The following DPYD variants were observed in gnomAD, a reference collection of about 807,000 sequenced individuals.
DPYD encodes dihydropyrimidine dehydrogenase, also known as dihydropyrimidine dehydrogenase [NADP(+)].
A neutral mutation model predicts 116.2 loss-of-function variants in DPYD; 109 were observed. The observed-to-expected ratio is 0.94, with a 90% confidence interval of 0.80 to 1.10. DPYD has a LOEUF of 1.10. DPYD is among the 50% of genes least tolerant of loss of function. DPYD has a pLI of 0.00. For synonymous variants in DPYD, 440 were observed against 432.0 expected, an observed-to-expected ratio of 1.02 and a Z score of -0.23; for missense variants, 1,302 against 1,254.5, an observed-to-expected ratio of 1.04 and a Z score of -0.57.
chr1:97,195,525 AG>A (rs1658697576), intron 19 of DPYD, among the ~76,000 whole-genome samples: 1 of 15,810 alleles, frequency 6.3e-5, no homozygotes, highest in African/African-American at 4.2e-4. Context: ...ATAAGGAGAG[AG>A]AGAGAGAGAG....
intron 18 of DPYD, chr1:97,295,669 A>C: frequency 1.5e-6 from 1 of 676,444 alleles, no homozygotes. Context: ...GGGCTCAAGC[A>C]ATCTGCCCGC....
intron 8 of DPYD, among the ~76,000 whole-genome samples, chr1:97,678,891 G>A (rs937791209): frequency 2.0e-5 from 3 of 152,028 alleles, no homozygotes; most frequent in South Asian, 2.1e-4. Flanking sequence ...ACATCTTGCC[G>A]AAATCTCTCC....
chr1:97,734,670 T>G (rs1391808884), intron 4 of DPYD, among the ~76,000 whole-genome samples: 2 of 152,190 alleles, frequency 1.3e-5, no homozygotes, highest in African/African-American at 4.8e-5. Context: ...GGAAAATAGC[T>G]TTTAAGTCAT....
rs182532694 is a variant in DPYD at position 97,404,386 on chromosome 1, T to C, written c.1906-21925A>G. ...TCTGTCCATTTCTGACAGAGAAGTG[T>C]TGTAGTCTCCAACTATGCTAATAGA... is the stretch of plus-strand genomic sequence containing the variant. On this transcript the variant is annotated intron_variant, in intron 14 of 22. Transcript: ENST00000370192. 1.7e-3 allele frequency among the ~76,000 whole-genome samples: 262 copies of C among 152,234 alleles called. 3 individuals are homozygous for C. The highest frequency in any genetic ancestry group is 0.015 in the Admixed American group (229 of 15,258).
chr1:97,604,173 G>A (rs574956377), intron 8 of DPYD, among the ~76,000 whole-genome samples: 1 of 152,230 alleles, frequency 6.6e-6, no homozygotes, highest in South Asian at 2.1e-4. Flanking sequence ...ATGGAGAGCT[G>A]CTCAGTTCAG....
At position 97,774,929 on chromosome 1, in the gene DPYD, C is replaced by T. The variant is rs567704575; in HGVS notation, c.234-34450G>A. The stretch of plus-strand genomic sequence containing the variant: ...TGTCCAAATCATCATCAATGATTTG[C>T]TAGAAATAGCATCCTCAAAGGTCAC... On this transcript the variant is annotated intron_variant, in intron 3 of 22. Coordinates refer to ENST00000370192, the MANE Select transcript of DPYD (RefSeq NM_000110.4). 377 of 307,440 alleles carry T rather than the reference C, an allele frequency of 1.2e-3. 3 individuals are homozygous for T. The highest frequency in any genetic ancestry group is 7.4e-3 in the South Asian group (222 of 29,954). 19.0% of individuals were successfully genotyped at this position (307,440 alleles called of 1,614,324 possible). A position where few individuals can be genotyped will look rare whatever the true frequency, so the allele number is the denominator to read the frequency against.
chr1:97,107,268 A>T (rs1651236137), intron 20 of DPYD, among the ~76,000 whole-genome samples: 1 of 152,090 alleles, frequency 6.6e-6, no homozygotes, highest in Non-Finnish European at 1.5e-5. Context: ...TTAAAATTAC[A>T]TAGGAACTTT....
intron 10 of DPYD, among the ~76,000 whole-genome samples, chr1:97,592,151 C>A (rs1396206472): frequency 6.6e-6 from 1 of 152,144 alleles, no homozygotes; most frequent in Non-Finnish European, 1.5e-5. Flanking sequence ...CATTCCGAAG[C>A]AAGTCAAGTT....
At chr1:97,525,679 G>T (rs1185315851) in intron 12 of DPYD, among the ~76,000 whole-genome samples, 1 of 151,458 alleles carries the variant, frequency 6.6e-6, no homozygotes, top group African/African-American at 2.4e-5. Context: ...TGGCATTGAA[G>T]CTCTGGAAGA....
At chr1:97,346,024 C>T (rs1382197281) in intron 16 of DPYD, among the ~76,000 whole-genome samples, 3 of 151,716 alleles carry the variant, frequency 2.0e-5, no homozygotes, top group Non-Finnish European at 4.4e-5. Context: ...TTTTATTTCT[C>T]ATTCCTTTGC....
At chr1:97,327,847 G>T (rs1197094470) in intron 16 of DPYD, among the ~76,000 whole-genome samples, 2 of 152,176 alleles carry the variant, frequency 1.3e-5, no homozygotes, top group Admixed American at 1.3e-4. Flanking sequence ...AATAGGTGGT[G>T]CTCATACATT....
At chr1:97,295,759 A>G in intron 18 of DPYD, 4 of 984,248 alleles carry the variant, frequency 4.1e-6, no homozygotes, top group Non-Finnish European at 4.8e-6. Flanking sequence ...TGCCAGTGCT[A>G]CTGTAAGAGA....
intron 18 of DPYD, among the ~76,000 whole-genome samples, chr1:97,254,201 C>T (rs1407887415): frequency 6.6e-6 from 1 of 152,094 alleles, no homozygotes; most frequent in Non-Finnish European, 1.5e-5. Context: ...TTTTCACAAA[C>T]ATTTTGCCTT....
intron 1 of DPYD, among the ~76,000 whole-genome samples, chr1:97,901,479 A>C (rs548035421): frequency 6.6e-6 from 1 of 151,864 alleles, no homozygotes; most frequent in Admixed American, 6.6e-5. Context: ...AAAGAAAGAG[A>C]CAAACCTCAG....
At position 97,376,640 on chromosome 1, in the gene DPYD, C is replaced by A. The variant is rs112505395; in HGVS notation, c.1975-2996G>T. 7.7e-3 allele frequency among the ~76,000 whole-genome samples: 1,168 copies of A among 152,154 alleles called. 16 individuals carry two copies. Among genetic ancestry groups the A allele is most frequent in the African/African-American group, 0.027 (1,111 of 41,514 alleles). On this transcript the variant is annotated intron_variant, in intron 15 of 22. Coordinates refer to ENST00000370192, the MANE Select transcript of DPYD (RefSeq NM_000110.4). Reference sequence around the variant, plus strand: ...CTAACCATTCAAAAAGCCTTAATTGCTGAATTAGCATGAAATGTTAAATTA... The same window carrying A: ...CTAACCATTCAAAAAGCCTTAATTGATGAATTAGCATGAAATGTTAAATTA...
chr1:97,151,471 C>T (rs930407593), intron 20 of DPYD, among the ~76,000 whole-genome samples: 5 of 151,944 alleles, frequency 3.3e-5, no homozygotes, highest in African/African-American at 7.2e-5. Flanking sequence ...GTCAGGAGTT[C>T]GAGACCAACC....
At chr1:97,647,740 T>A (rs992378614) in intron 8 of DPYD, among the ~76,000 whole-genome samples, 1 of 152,054 alleles carries the variant, frequency 6.6e-6, no homozygotes, top group African/African-American at 2.4e-5. Context: ...AAAACAGATA[T>A]ATAAAATTAC....
chr1:97,385,425 A>G (rs1158192796), intron 14 of DPYD, among the ~76,000 whole-genome samples: 1 of 151,580 alleles, frequency 6.6e-6, no homozygotes, highest in Non-Finnish European at 1.5e-5. Context: ...AGATACAGAG[A>G]TACAGACTGA....
intron 19 of DPYD, among the ~76,000 whole-genome samples, chr1:97,218,489 G>C (rs764771782): frequency 6.6e-5 from 10 of 151,410 alleles, no homozygotes; most frequent in Non-Finnish European, 1.3e-4. Flanking sequence ...TTTTGGTCTA[G>C]AGCTGGAGTC....
Sources: allele counts gnomAD v4.1 joint callset (sites outside exome capture counted in the v4.1 genomes callset), GRCh38; gene constraint gnomAD v4.1.1; transcripts MANE v1.5; gene names NCBI Gene and HGNC (gene_info 2026-07-23, HGNC 2026-07-21).